Variants in CCDC14 observed in about 807,000 individuals in gnomAD.
CCDC14 encodes the protein coiled-coil domain-containing protein 14.
A neutral mutation model predicts 81.4 loss-of-function variants in CCDC14; 71 were observed. The ratio of observed to expected loss-of-function variants is 0.87; its 90% CI spans 0.72 to 1.06. CCDC14 has a LOEUF of 1.06. Ranked by LOEUF, CCDC14 falls within the 50% of genes least tolerant of loss-of-function variation. The probability of loss-of-function intolerance (pLI) is 0.00; values close to 1 mark genes in which losing one functional copy is unlikely to be tolerated. For missense variants in CCDC14, 1,046 were observed against 1,047.3 expected (o/e 1.00, Z 0.02); for synonymous variants, 332 against 364.8 (o/e 0.91, Z 1.03).
At chr3:123,944,771 G>T in intron 9 of CCDC14, 78 bp downstream of exon 9, 2 of 1,073,018 alleles carry the variant, frequency 1.9e-6, no homozygotes, top group South Asian at 2.1e-5. Context: ...TGAAGTCCTA[G>T]GTATGTCATT....
Position 123,933,670 on chromosome 3 carries a change from T to C in CCDC14, c.1426+3A>G. On this transcript the variant is annotated splice_donor_region_variant and intron_variant, in intron 10 of 12. Coordinates refer to ENST00000409697, the MANE Select transcript of CCDC14 (RefSeq NM_001366335.1). Reference sequence around the variant, plus strand: ...TATCAATCCTTAAAGTTCTTTTACCTACATTCAAGGTTGCAATCCACAGCA... The same window carrying C: ...TATCAATCCTTAAAGTTCTTTTACCCACATTCAAGGTTGCAATCCACAGCA... The C allele has an allele frequency of 3.2e-6, 5 of 1,560,470 alleles. No homozygotes were observed. Among genetic ancestry groups the C allele is most frequent in the Non-Finnish European group, 4.4e-6 (5 of 1,148,306 alleles).
At chr3:123,951,639 T>C (rs150349543) in intron 5 of CCDC14, among the ~76,000 whole-genome samples, 101 of 152,308 alleles carry the variant, frequency 6.6e-4, no homozygotes, top group African/African-American at 2.3e-3. Flanking sequence ...CCTCTGGTCC[T>C]TAAGAATTGG....
At chr3:123,926,128 C>T (rs1048897662) in intron 12 of CCDC14, among the ~76,000 whole-genome samples, 3 of 151,888 alleles carry the variant, frequency 2.0e-5, no homozygotes, top group Non-Finnish European at 4.4e-5. Context: ...ATTACTGTTG[C>T]TATAGATAAA....
At chr3:123,889,593 C>T in the CCDC14 span, among the ~76,000 whole-genome samples, 1 of 152,252 alleles carries the variant, frequency 6.6e-6, no homozygotes, top group Non-Finnish European at 1.5e-5. Flanking sequence ...AGCTCCACCC[C>T]AGTGGGTCTG....
Position 123,915,507 on chromosome 3 carries a change from T to C in CCDC14, c.1990A>G (p.Ile664Val), listed in dbSNP as rs753466359. 3.1e-6 allele frequency: 5 copies of C among 1,613,912 alleles called. No homozygotes were observed. The highest frequency in any genetic ancestry group is 1.3e-5 in the African/African-American group (1 of 74,942). ...GGCTCTATGGTTTCCTCATTTTTAA[T>C]TGTAGAAAGTGGCTCTGAATGTGTA... Reference protein sequence around the residue: ...SFTHSEPLSTIKNEETIEPDK... With the variant: ...SFTHSEPLSTVKNEETIEPDK... Residue 664 changes from isoleucine (I) to valine (V), a missense_variant, in exon 13 of 13, where the codon ATT (isoleucine) becomes GTT (valine). Ile to Val is a conservative substitution (Grantham distance 29). Coordinates refer to ENST00000409697, the MANE Select transcript of CCDC14 (RefSeq NM_001366335.1).
chr3:123,948,780 G>A lies in CCDC14; in HGVS notation c.595C>T (p.Gln199Ter), dbSNP rs369069921. Residue 199 changes from glutamine to a stop codon, truncating the protein, a stop_gained, in exon 7 of 13, where the codon CAG becomes TAG. Coordinates refer to ENST00000409697, the MANE Select transcript of CCDC14 (RefSeq NM_001366335.1). LOFTEE classifies it high-confidence loss of function. ...PCHAPSHSESQATPHSSYGLC... is the reference protein window; with the variant it reads ...PCHAPSHSES ...CCATAACTAGAATGAGGAGTTGCCT[G>A]AGATTCTGTAAGTAAGAGGGAGAAA... 3 of 1,595,214 alleles carry A rather than the reference G, an allele frequency of 1.9e-6. No homozygotes were observed. In the African/African-American group the frequency reaches 4.1e-5, roughly 22 times the overall value.
At chr3:123,899,482 C>G (rs2034137821) in intron 5 of CCDC14, among the ~76,000 whole-genome samples, 1 of 152,212 alleles carries the variant, frequency 6.6e-6, no homozygotes, top group Non-Finnish European at 1.5e-5. Flanking sequence ...GAAACCTGCC[C>G]AGCCTCCTGG....
At chr3:123,960,998 G>A in intron 1 of CCDC14, 146 bp downstream of exon 1, 2 of 674,268 alleles carry the variant, frequency 3.0e-6, no homozygotes, top group Non-Finnish European at 4.9e-6. Flanking sequence ...GGAAGATTAG[G>A]TGTTCCCTGC....
intron 12 of CCDC14, among the ~76,000 whole-genome samples, chr3:123,923,531 C>T (rs1445599810): frequency 1.3e-5 from 2 of 151,862 alleles, no homozygotes; most frequent in Admixed American, 6.6e-5. Context: ...ATCCTAAACA[C>T]CAAAAAACTG....
At chr3:123,946,072 A>G (rs976609989) in intron 8 of CCDC14, among the ~76,000 whole-genome samples, 2 of 152,156 alleles carry the variant, frequency 1.3e-5, no homozygotes, top group Non-Finnish European at 2.9e-5. Context: ...CTGAAAACAG[A>G]GCAATTTTAA....
chr3:123,885,823 G>A, the CCDC14 span, among the ~76,000 whole-genome samples: 11 of 152,170 alleles, frequency 7.2e-5, no homozygotes, highest in African/African-American at 9.6e-5. Flanking sequence ...CAAAATCATG[G>A]TATTCTAATA....
At chr3:123,896,898 A>G (rs1330761173), downstream of CCDC14, among the ~76,000 whole-genome samples, 11 of 152,222 alleles carry the variant, frequency 7.2e-5, no homozygotes, top group Non-Finnish European at 1.5e-4. Flanking sequence ...AGCGATTTAA[A>G]GTACAGAAAA....
At chr3:123,961,030 T>C (rs1236341662) in intron 1 of CCDC14, 114 bp downstream of exon 1, 4 of 928,378 alleles carry the variant, frequency 4.3e-6, no homozygotes, top group Non-Finnish European at 6.4e-6. Context: ...AGCACTTTAA[T>C]GTCGCCGCAT....
chr3:123,948,745 G>A lies in CCDC14; in HGVS notation c.630C>T (p.Thr210=). The part of the protein sequence containing the change: ...ATPHSSYGLC[T]STPVWSLQRP... ...GCTGAAGTGACCAGACTGGGGTGGA[G>A]GTACATAAGCCATAACTAGAATGAG... The change falls in exon 7 of 13, where the codon ACC becomes ACT. Residue 210 remains threonine, a synonymous_variant. Coordinates refer to ENST00000409697, the MANE Select transcript of CCDC14 (RefSeq NM_001366335.1). 6.2e-7 allele frequency: 1 copy of A among 1,600,972 alleles called. No individual in the cohort carries two copies. The highest frequency in any genetic ancestry group is 8.5e-7 in the Non-Finnish European group (1 of 1,176,822).
In CCDC14 at chr3:123,931,182, A is replaced by G; in HGVS notation, c.1698T>C (p.Thr566=). The part of the protein sequence containing the change: ...NVKSSQFKLE[T]AEKENQILGI... Reference sequence around the variant, plus strand: ...CCAATATCTGGTTTTCCTTTTCAGCAGTTTCTAACTTAAACTGGGAGCTTT... The same window carrying G: ...CCAATATCTGGTTTTCCTTTTCAGCGGTTTCTAACTTAAACTGGGAGCTTT... The change falls in exon 12 of 13, where the codon ACT becomes ACC. Residue 566 remains threonine (T), a synonymous_variant. Transcript: ENST00000409697. 1 of 1,612,972 alleles carries G rather than the reference A, an allele frequency of 6.2e-7. No individual in the cohort carries two copies. The highest frequency in any genetic ancestry group is 8.5e-7 in the Non-Finnish European group (1 of 1,179,636).
exon 6 of CCDC14, chr3:123,897,520 G>T (rs1175408530): frequency 3.9e-6 from 3 of 767,370 alleles, no homozygotes; most frequent in Non-Finnish European, 3.7e-6. Context: ...CCTCTTCCTT[G>T]TTCAGAGCAG....
chr3:123,946,275 T>C (rs1160257331), intron 8 of CCDC14, among the ~76,000 whole-genome samples: 1 of 151,794 alleles, frequency 6.6e-6, no homozygotes, highest in East Asian at 1.9e-4. Context: ...TGGAAACAAA[T>C]GAATAGAATC....
At chr3:123,934,316 A>AT (rs1488192279) in intron 9 of CCDC14, among the ~76,000 whole-genome samples, 1 of 143,912 alleles carries the variant, frequency 6.9e-6, no homozygotes, top group Non-Finnish European at 1.5e-5. Context: ...GAAAGTGTTA[A>AT]TTTCTCTTTT....
intron 5 of CCDC14, among the ~76,000 whole-genome samples, chr3:123,905,899 A>G (rs1577203950): frequency 6.6e-6 from 1 of 152,258 alleles, no homozygotes; most frequent in Non-Finnish European, 1.5e-5. Flanking sequence ...AAGATAAGGG[A>G]GAGTATTGGA....
Sources: allele counts gnomAD v4.1 joint callset (sites outside exome capture counted in the v4.1 genomes callset), GRCh38; gene constraint gnomAD v4.1.1; transcripts MANE v1.5; gene names NCBI Gene and HGNC (gene_info 2026-07-23, HGNC 2026-07-21).